SNX13: variants seen among roughly 807,000 people sequenced by gnomAD.
SNX13 encodes the protein sorting nexin-13.
SNX13 carries 45 observed loss-of-function variants against 133.6 expected under a neutral mutation model. The ratio of observed to expected loss-of-function variants is 0.34; its 90% CI spans 0.27 to 0.43. The LOEUF is 0.43. Ranked by LOEUF, SNX13 falls within the 20% of genes least tolerant of loss-of-function variation. SNX13 has a pLI of 1.00. For missense variants in SNX13, 1,032 were observed against 1,145.1 expected (o/e 0.90, Z 1.43); for synonymous variants, 414 against 373.9 (o/e 1.11, Z -1.24).
At chr7:17,804,346 G>A (rs1221927074) in intron 20 of SNX13, among the ~76,000 whole-genome samples, 1 of 152,006 alleles carries the variant, frequency 6.6e-6, no homozygotes, top group Non-Finnish European at 1.5e-5. Context: ...ACAGAAAACT[G>A]AAATAACTAA....
chr7:17,881,617 T>C (rs1270865907), intron 5 of SNX13: 1 of 152,102 alleles, frequency 6.6e-6, no homozygotes, highest in East Asian at 1.9e-4. Context: ...GACTTTTTTT[T>C]GTTGAGAGAA....
At chr7:17,808,868 T>A (rs1348080135) in intron 20 of SNX13, among the ~76,000 whole-genome samples, 1 of 152,032 alleles carries the variant, frequency 6.6e-6, no homozygotes. Context: ...GCTTCATAAG[T>A]GAAGGAGAAA....
At chr7:17,850,528 T>A in intron 10 of SNX13, 93 bp from the exon 11 acceptor site, 1 of 726,774 alleles carries the variant, frequency 1.4e-6, no homozygotes, top group Non-Finnish European at 2.1e-6. Context: ...AAATAACCAA[T>A]AATACAGCAA....
chr7:17,906,831 T>C (rs1354540308), intron 1 of SNX13, among the ~76,000 whole-genome samples: 1 of 152,130 alleles, frequency 6.6e-6, no homozygotes, highest in Non-Finnish European at 1.5e-5. Flanking sequence ...TCCTTGATTT[T>C]TCTATAGAAT....
At position 17,909,095 on chromosome 7, in the gene SNX13, T is replaced by G. The variant is rs571280561; in HGVS notation, c.13-11649A>C. ...TTTGCAAAAGAAACAGATGAAAAGC[T>G]CAACATCACTAATCATTAGAGAAAT... On this transcript the variant is annotated intron_variant, in intron 1 of 25. Transcript: ENST00000428135. 4.6e-5 allele frequency among the ~76,000 whole-genome samples: 7 copies of G among 151,516 alleles called. No homozygotes were observed. The East Asian group carries it at 1.4e-3, about 29-fold the overall frequency.
In SNX13 at chr7:17,882,930, G is replaced by A. The variant is rs182420826; in HGVS notation, c.441-7140C>T. 3.4e-4 allele frequency: 263 copies of A among 766,808 alleles called. 3 individuals carry two copies. In the Middle Eastern group the frequency reaches 3.5e-3, roughly 10 times the overall value. 47.5% of individuals were successfully genotyped at this position (766,808 alleles called of 1,614,324 possible). On this transcript the variant is annotated intron_variant, in intron 5 of 25. Coordinates refer to ENST00000428135, the MANE Select transcript of SNX13 (RefSeq NM_015132.5). Reference sequence around the variant, plus strand: ...TGCGCCATTGTACTCCAGCCTGGGCGACAGGGCGAGACTCTGTCTCAAAAA... The same window carrying A: ...TGCGCCATTGTACTCCAGCCTGGGCAACAGGGCGAGACTCTGTCTCAAAAA...
At chr7:17,904,011 A>C (rs1355144060) in intron 1 of SNX13, among the ~76,000 whole-genome samples, 2 of 152,190 alleles carry the variant, frequency 1.3e-5, no homozygotes, top group Non-Finnish European at 2.9e-5. Context: ...AAACATAAAA[A>C]ATGACCTCGA....
intron 5 of SNX13, among the ~76,000 whole-genome samples, chr7:17,878,624 G>T (rs964815474): frequency 1.2e-4 from 19 of 152,018 alleles, no homozygotes; most frequent in African/African-American, 4.3e-4. Flanking sequence ...ACATCCACTC[G>T]TTTCCCTTGC....
intron 15 of SNX13, 69 bp from the exon 16 acceptor site, chr7:17,830,116 A>G: frequency 7.4e-7 from 1 of 1,353,456 alleles, no homozygotes; most frequent in Non-Finnish European, 9.9e-7. Flanking sequence ...CTAAGGTTCA[A>G]ACACTAAGAA....
chr7:17,827,077 T>A (rs761285193), intron 16 of SNX13, among the ~76,000 whole-genome samples: 1 of 152,084 alleles, frequency 6.6e-6, no homozygotes, highest in Admixed American at 6.6e-5. Flanking sequence ...ATGTGCTATA[T>A]AATCTGCCTC....
At chr7:17,929,563 T>C (rs185723874) in intron 1 of SNX13, among the ~76,000 whole-genome samples, 110 of 152,250 alleles carry the variant, frequency 7.2e-4, no homozygotes, top group Non-Finnish European at 1.1e-3. Context: ...ACCTTTATGC[T>C]CTAAGACAAT....
intron 1 of SNX13, among the ~76,000 whole-genome samples, chr7:17,936,350 G>T (rs981990687): frequency 2.0e-5 from 3 of 152,166 alleles, no homozygotes; most frequent in Non-Finnish European, 4.4e-5. Flanking sequence ...TTAACTCTGA[G>T]AATCAGTGTT....
intron 1 of SNX13, among the ~76,000 whole-genome samples, chr7:17,930,831 C>A (rs1246785768): frequency 1.3e-5 from 2 of 152,016 alleles, no homozygotes; most frequent in Non-Finnish European, 2.9e-5. Flanking sequence ...CCTGTCAGAT[C>A]AGCTGGGACA....
At chr7:17,907,203 T>G (rs962613259) in intron 1 of SNX13, 1 of 152,166 alleles carries the variant, frequency 6.6e-6, no homozygotes, top group African/African-American at 2.4e-5. Flanking sequence ...GTACAGTCAC[T>G]AAAGATGGGT....
Position 17,803,292 on chromosome 7 carries a change from CTA to C in SNX13, c.2226+125_2226+126del. ...CTTTAGTTCTTTATTCTTTATGAGACTATGTGTCTAGCAATGTTTGGAAAAGA... is the reference window on the plus strand; with the variant it reads ...CTTTAGTTCTTTATTCTTTATGAGACTGTGTCTAGCAATGTTTGGAAAAGA... On this transcript the variant is annotated intron_variant, in intron 21 of 25. Transcript: ENST00000428135. 3 of 812,332 alleles carry C rather than the reference CTA, an allele frequency of 3.7e-6. No individual in the cohort carries two copies. The South Asian group carries it at 8.6e-5, about 23-fold the overall frequency. 50.3% of individuals were successfully genotyped at this position (812,332 alleles called of 1,614,324 possible).
intron 18 of SNX13, among the ~76,000 whole-genome samples, chr7:17,817,908 T>C (rs1336774678): frequency 2.0e-5 from 3 of 152,192 alleles, no homozygotes; most frequent in South Asian, 2.1e-4. Flanking sequence ...CTCAAATTCA[T>C]GTTGAAGCCC....
chr7:17,805,250 T>TGTGTGTGTGC lies in SNX13; in HGVS notation c.2065-1671_2065-1670insGCACACACAC. 2.6e-3 allele frequency among the ~76,000 whole-genome samples: 244 copies of TGTGTGTGTGC among 95,566 alleles called. 6 individuals are homozygous for TGTGTGTGTGC. Among genetic ancestry groups the TGTGTGTGTGC allele is most frequent in the African/African-American group, 4.3e-3 (137 of 31,860 alleles). 62.7% of individuals were successfully genotyped at this position (95,566 alleles called of 152,430 possible). Reference sequence around the variant, plus strand: ...GTGTGTGTGTGTGTGTGTGTGTGTGTGCGTGCGCGCGCGCGCATGCATGCA... The same window carrying TGTGTGTGTGC: ...GTGTGTGTGTGTGTGTGTGTGTGTGTGTGTGTGTGCGCGTGCGCGCGCGCGCATGCATGCA... On this transcript the variant is annotated intron_variant, in intron 20 of 25. Coordinates refer to ENST00000428135, the MANE Select transcript of SNX13 (RefSeq NM_015132.5).
rs1783682740 is a variant in SNX13, at chr7:17,792,861, A to G, written c.*1184T>C. The stretch of plus-strand genomic sequence containing the variant: ...AAAACTAGAGAAAGTATTTTATTTT[A>G]TTGATATAAAATTAATTTATGGGTT... On this transcript the variant is annotated 3_prime_UTR_variant, in exon 26 of 26. Transcript: ENST00000428135. The G allele has an allele frequency of 6.6e-6, 1 of 152,334 alleles. No homozygotes were observed. Among genetic ancestry groups the G allele is most frequent in the Admixed American group, 6.6e-5 (1 of 15,234 alleles). The allele number at this position is 152,334 out of a possible 1,614,324, so 9.4% of individuals were successfully genotyped here. A position where few individuals can be genotyped will look rare whatever the true frequency, so the allele number is the denominator to read the frequency against.
At chr7:17,921,771 G>A (rs964956699) in intron 1 of SNX13, among the ~76,000 whole-genome samples, 8 of 152,210 alleles carry the variant, frequency 5.3e-5, no homozygotes, top group African/African-American at 1.9e-4. Flanking sequence ...CAGGAAAGCT[G>A]ATATAAGAGC....
Sources: gnomAD v4.1 joint callset for allele counts (sites outside exome capture counted in the v4.1 genomes callset) on GRCh38, gnomAD v4.1.1 for gene constraint, MANE v1.5 for transcripts, NCBI Gene and HGNC (gene_info 2026-07-23, HGNC 2026-07-21) for gene names.